Variants in ENKUR observed in about 807,000 individuals in gnomAD.
ENKUR encodes the protein enkurin, TRPC channel interacting protein, also known as enkurin.
Under a neutral mutation model 27.6 loss-of-function variants are expected in ENKUR, and 19 were observed. That is an observed-to-expected ratio of 0.69 (90% CI 0.48 to 1.01). ENKUR has a LOEUF of 1.01. ENKUR is among the 50% of genes least tolerant of loss of function. The pLI, the probability that ENKUR is intolerant of heterozygous loss-of-function variation, is 0.00. For missense variants in ENKUR, 312 were observed against 310.5 expected, an observed-to-expected ratio of 1.00 and a Z score of -0.04; for synonymous variants, 117 against 96.9, an observed-to-expected ratio of 1.21 and a Z score of -1.22.
At chr10:25,020,622 C>T (rs1850700801), upstream of ENKUR, among the ~76,000 whole-genome samples, 1 of 151,800 alleles carries the variant, frequency 6.6e-6, no homozygotes, top group Non-Finnish European at 1.5e-5. Context: ...CAAAAATTAG[C>T]TGGGTGTGGT....
intron 1 of ENKUR, among the ~76,000 whole-genome samples, chr10:25,008,548 T>C (rs952540287): frequency 6.6e-6 from 1 of 152,208 alleles, no homozygotes; most frequent in African/African-American, 2.4e-5. Flanking sequence ...CCAAGAAGGA[T>C]GGGAAGCTCC....
At chr10:25,028,728 C>A (rs939757380) in intron 2 of ENKUR, among the ~76,000 whole-genome samples, 5 of 152,176 alleles carry the variant, frequency 3.3e-5, no homozygotes, top group Non-Finnish European at 5.9e-5. Context: ...AATATATGTA[C>A]AGTTTAAGGA....
intron 2 of ENKUR, chr10:25,021,759 G>A (rs576266756): frequency 6.6e-6 from 1 of 152,122 alleles, no homozygotes; most frequent in Admixed American, 6.6e-5. Context: ...GTTTTGCAAA[G>A]ATCGGTTTTG....
intron 2 of ENKUR, among the ~76,000 whole-genome samples, chr10:25,027,622 C>CTCATGCCTGT (rs1554773156): frequency 6.6e-6 from 1 of 151,502 alleles, no homozygotes; most frequent in Non-Finnish European, 1.5e-5. Context: ...GGCGCAGTGG[C>CTCATGCCTGT]TCATGCCTGT....
intron 2 of ENKUR, among the ~76,000 whole-genome samples, chr10:25,057,380 TACACACACACAC>T (rs139515865): frequency 0.053 from 6,287 of 117,738 alleles, 148 homozygotes; most frequent in Non-Finnish European, 0.067. Context: ...TGCACTTTGG[TACACACACACAC>T]ACACACACAC....
rs147597520 is a variant in ENKUR, at chr10:25,026,263, T to C, written c.38-30394A>G. The C allele has an allele frequency of 1.9e-3, 321 of 167,038 alleles. 1 individual carries two copies. Among genetic ancestry groups the C allele is most frequent in the African/African-American group, 6.9e-3 (288 of 41,602 alleles). 10.3% of individuals were successfully genotyped at this position (167,038 alleles called of 1,614,324 possible). ...CACACTGTCCAAATTAAAGATGTAC[T>C]CTGTCCTTCACTCTCCTTTGGATGT... On this transcript the variant is annotated intron_variant, in intron 2 of 5. Coordinates refer to the ENKUR transcript ENST00000615958.
At chr10:25,016,788 T>G (rs1247973895), upstream of ENKUR, 1 of 152,538 alleles carries the variant, frequency 6.6e-6, no homozygotes, top group Non-Finnish European at 1.5e-5. Flanking sequence ...GAGATTTCCT[T>G]GGTGAGTTAT....
upstream of ENKUR, among the ~76,000 whole-genome samples, chr10:25,018,918 G>A (rs1055932626): frequency 1.3e-5 from 2 of 152,150 alleles, no homozygotes; most frequent in African/African-American, 4.8e-5. Context: ...AAGACTAAGT[G>A]ATGAACTTGC....
At chr10:24,990,296 C>G (rs1849896714) in intron 4 of ENKUR, among the ~76,000 whole-genome samples, 167 bp downstream of exon 4, 1 of 152,188 alleles carries the variant, frequency 6.6e-6, no homozygotes, top group African/African-American at 2.4e-5. Context: ...ACTTTTTGCT[C>G]TCTCCAAAGA....
chr10:25,021,310 T>A (rs2132751355), intron 2 of ENKUR, among the ~76,000 whole-genome samples: 1 of 152,366 alleles, frequency 6.6e-6, no homozygotes, highest in East Asian at 1.9e-4. Flanking sequence ...TTGGGCTTTT[T>A]ATAGTGGATA....
intron 2 of ENKUR, chr10:25,024,282 G>T (rs764019883): frequency 6.2e-7 from 1 of 1,614,128 alleles, no homozygotes; most frequent in Admixed American, 1.7e-5. Context: ...TTAAAGATTT[G>T]TCTTTACAGC....
intron 2 of ENKUR, among the ~76,000 whole-genome samples, chr10:25,031,367 C>T (rs910316094): frequency 6.6e-6 from 1 of 152,068 alleles, no homozygotes; most frequent in East Asian, 1.9e-4. Context: ...CGCGGATTAC[C>T]TCATAATGAA....
chr10:25,037,123 A>G lies in ENKUR; in HGVS notation c.37+23989T>C, dbSNP rs80335660. On this transcript the variant is annotated intron_variant, in intron 2 of 5. Transcript: ENST00000615958. The stretch of plus-strand genomic sequence containing the variant: ...AGAGTGCCTGTATGGAGTTGTGAAG[A>G]TGAAGCTAGAAAATCAAGCAGGATC... Among the ~76,000 whole-genome samples the G allele has an allele frequency of 1.8e-3, 280 of 152,338 alleles. 4 individuals are homozygous for G. The highest frequency in any genetic ancestry group is 6.5e-3 in the African/African-American group (271 of 41,568).
chr10:25,008,403 G>A (rs1262732883), intron 1 of ENKUR, among the ~76,000 whole-genome samples: 9 of 152,158 alleles, frequency 5.9e-5, no homozygotes, highest in Admixed American at 5.9e-4. Flanking sequence ...TGTCACCTAA[G>A]AGTTCCTAAT....
chr10:25,012,458 G>A (rs913355623), intron 1 of ENKUR, among the ~76,000 whole-genome samples: 1 of 152,216 alleles, frequency 6.6e-6, no homozygotes. Context: ...AATGGGGGCT[G>A]TACTGTGCCA....
chr10:25,035,975 C>G (rs1256985996), intron 2 of ENKUR, among the ~76,000 whole-genome samples: 1 of 152,122 alleles, frequency 6.6e-6, no homozygotes, highest in East Asian at 1.9e-4. Flanking sequence ...AAGTTATAGC[C>G]TTGGTCGTTA....
At chr10:24,998,628 G>A (rs981834586) in intron 2 of ENKUR, among the ~76,000 whole-genome samples, 14 of 151,706 alleles carry the variant, frequency 9.2e-5, no homozygotes, top group Admixed American at 6.6e-5. Flanking sequence ...AAGACATCTG[G>A]GAAGACATAC....
At chr10:25,060,524 C>A (rs746718733) in intron 2 of ENKUR, among the ~76,000 whole-genome samples, 2 of 152,170 alleles carry the variant, frequency 1.3e-5, no homozygotes, top group Non-Finnish European at 1.5e-5. Context: ...ACATACTCTC[C>A]ACATAAGCAT....
rs150162748 is a variant in ENKUR at position 25,022,101 on chromosome 10, C to T, written c.38-26232G>A. Among the ~76,000 whole-genome samples the T allele has an allele frequency of 2.0e-5, 3 of 152,198 alleles. No homozygotes were observed. In the East Asian group the frequency reaches 5.8e-4, roughly 29 times the overall value. On this transcript the variant is annotated intron_variant, in intron 2 of 5. Transcript: ENST00000615958. The stretch of plus-strand genomic sequence containing the variant: ...ACACGTGATAAGCCCCACTATGTGT[C>T]TGTGACATTACTTCAGGCAATTTAC...
Sources: gnomAD v4.1 joint callset for allele counts (sites outside exome capture counted in the v4.1 genomes callset) on GRCh38, gnomAD v4.1.1 for gene constraint, MANE v1.5 for transcripts, NCBI Gene and HGNC (gene_info 2026-07-23, HGNC 2026-07-21) for gene names.